The following DISC1 variants were observed in gnomAD, a reference collection of about 807,000 sequenced individuals.
DISC1 encodes the protein disrupted in schizophrenia 1 protein.
In DISC1, 57 loss-of-function variants were observed where a neutral mutation model predicts 84.5. The ratio of observed to expected loss-of-function variants is 0.67; its 90% CI spans 0.55 to 0.84. The LOEUF (loss-of-function observed/expected upper bound fraction) is 0.84, where lower values mean the gene tolerates loss of function less well. DISC1 is among the 40% of genes least tolerant of loss of function. The pLI is 0.00. For synonymous variants in DISC1, 411 were observed against 415.2 expected, an observed-to-expected ratio of 0.99 and a Z score of 0.12; for missense variants, 1,000 against 1,057.8, an observed-to-expected ratio of 0.95 and a Z score of 0.76.
chr1:231,832,186 G>A (rs1247645009), intron 9 of DISC1, among the ~76,000 whole-genome samples: 5 of 151,864 alleles, frequency 3.3e-5, no homozygotes, highest in Non-Finnish European at 5.9e-5. Flanking sequence ...TGCCTCAGGT[G>A]TGAGGAAGAA....
At chr1:231,626,973 G>A (rs1403031978) in intron 1 of DISC1, 39 bp downstream of exon 1, 4 of 1,417,922 alleles carry the variant, frequency 2.8e-6, no homozygotes, top group East Asian at 5.7e-5. Context: ...CGTCCTGGGG[G>A]GGTCCTGGCA....
chr1:231,913,195 G>T (rs1267887160), intron 9 of DISC1, among the ~76,000 whole-genome samples: 1 of 152,122 alleles, frequency 6.6e-6, no homozygotes, highest in African/African-American at 2.4e-5. Flanking sequence ...GTTTTTACTC[G>T]CATGCTTTGT....
At chr1:231,735,251 T>C (rs1294841339) in intron 3 of DISC1, among the ~76,000 whole-genome samples, 1 of 152,238 alleles carries the variant, frequency 6.6e-6, no homozygotes, top group African/African-American at 2.4e-5. Flanking sequence ...AATATTAAAA[T>C]ATTTCCTGTT....
At chr1:231,794,859 T>C (rs1278159363) in intron 6 of DISC1, among the ~76,000 whole-genome samples, 3 of 152,172 alleles carry the variant, frequency 2.0e-5, no homozygotes, top group African/African-American at 7.2e-5. Context: ...TCTACCCAAA[T>C]AGATACTATT....
At chr1:231,900,878 C>T (rs983445985) in intron 9 of DISC1, among the ~76,000 whole-genome samples, 3 of 152,102 alleles carry the variant, frequency 2.0e-5, no homozygotes, top group African/African-American at 7.2e-5. Context: ...GAAAAATAGG[C>T]GTATTTTCTT....
At position 232,009,438 on chromosome 1, in the gene DISC1, T is replaced by TAGTATATATGTTAAATATCA; in HGVS notation, c.2307+389_2307+390insAGTATATATGTTAAATATCA. On this transcript the variant is annotated intron_variant, in intron 11 of 12. Coordinates refer to ENST00000439617, the MANE Select transcript of DISC1 (RefSeq NM_018662.3). The surrounding 1 kb of genome is among the most constrained non-coding windows in gnomAD (Gnocchi z 4.6). Reference sequence around the variant, plus strand: ...TAACATATATACTATACATTATGTATTGTATGTCATATATGATGTTTATAT... The same window carrying TAGTATATATGTTAAATATCA: ...TAACATATATACTATACATTATGTATAGTATATATGTTAAATATCATGTATGTCATATATGATGTTTATAT... The TAGTATATATGTTAAATATCA allele has an allele frequency of 1.8e-6, 1 of 562,998 alleles. No individual in the cohort carries two copies. Among genetic ancestry groups the TAGTATATATGTTAAATATCA allele is most frequent in the Non-Finnish European group, 2.2e-6 (1 of 457,690 alleles). The allele number at this position is 562,998 out of a possible 1,614,324, so 34.9% of individuals were successfully genotyped here. A position where few individuals can be genotyped will look rare whatever the true frequency, so the allele number is the denominator to read the frequency against.
chr1:231,732,386 G>A (rs1279644002), intron 3 of DISC1, among the ~76,000 whole-genome samples: 1 of 152,128 alleles, frequency 6.6e-6, no homozygotes, highest in Non-Finnish European at 1.5e-5. Flanking sequence ...TATGCAAATC[G>A]ATCCCAGACA....
chr1:231,887,811 C>T (rs943880444), intron 9 of DISC1, among the ~76,000 whole-genome samples: 7 of 152,204 alleles, frequency 4.6e-5, no homozygotes, highest in African/African-American at 1.4e-4. Flanking sequence ...CTACTATTTG[C>T]TTCATTCTAA....
At chr1:232,025,693 T>C (rs1669394143) in intron 11 of DISC1, among the ~76,000 whole-genome samples, 1 of 151,274 alleles carries the variant, frequency 6.6e-6, no homozygotes, top group East Asian at 2.0e-4. Context: ...GCCTCCTGGG[T>C]TCACGCCATT....
chr1:231,886,817 T>TTC (rs2086783986), intron 9 of DISC1, among the ~76,000 whole-genome samples: 1 of 145,432 alleles, frequency 6.9e-6, no homozygotes, highest in Admixed American at 7.1e-5. Context: ...CTTTCTTTCT[T>TTC]TCTTTCTTTC....
intron 9 of DISC1, among the ~76,000 whole-genome samples, chr1:231,870,610 G>T (rs200329068): frequency 5.1e-4 from 78 of 152,324 alleles, no homozygotes; most frequent in Non-Finnish European, 1.0e-3. Context: ...AGCTTGATCA[G>T]TGCAGCACGA....
intron 9 of DISC1, among the ~76,000 whole-genome samples, chr1:231,937,835 G>A (rs201696881): frequency 1.3e-4 from 20 of 151,750 alleles, no homozygotes; most frequent in South Asian, 4.2e-4. Context: ...CATGAAAGCA[G>A]CTGTAGATCA....
chr1:231,694,678 C>T lies in DISC1; in HGVS notation c.920C>T (p.Pro307Leu), dbSNP rs1463414572. 54 of 1,614,118 alleles carry T rather than the reference C, an allele frequency of 3.3e-5. No individual in the cohort carries two copies. The highest frequency in any genetic ancestry group is 4.2e-5 in the Non-Finnish European group (49 of 1,180,056). ...CCTGGCTCCTCCAGTTCTCTGGATC[C>T]CTCACTGGCTGGCTGTGGTGGTGAT... ...MDPGSSSSLD[P>L]SLAGCGGDGS... The change falls in exon 2 of 13, where the codon CCC (proline) becomes CTC (leucine). Residue 307 changes from proline to leucine, a missense_variant. Pro to Leu is a moderately conservative substitution (Grantham distance 98). Transcript: ENST00000439617.
intron 9 of DISC1, among the ~76,000 whole-genome samples, chr1:231,887,140 G>A (rs60588012): frequency 0.098 from 14,890 of 151,988 alleles, 939 homozygotes; most frequent in East Asian, 0.28. Context: ...GATTACAGGC[G>A]TGAGCCACCG....
At chr1:231,713,749 GAT>G (rs1055850789) in intron 3 of DISC1, among the ~76,000 whole-genome samples, 2 of 71,292 alleles carry the variant, frequency 2.8e-5, no homozygotes, top group African/African-American at 8.1e-5. Flanking sequence ...ATATATAGGA[GAT>G]ATATATATAG....
intron 9 of DISC1, among the ~76,000 whole-genome samples, chr1:231,868,691 CTTATAT>C (rs1558670105): frequency 1.1e-5 from 1 of 90,200 alleles, no homozygotes; most frequent in African/African-American, 4.1e-5. Context: ...GACCCCATCT[CTTATAT>C]ATATATATAT....
At position 231,844,187 on chromosome 1, in the gene DISC1, C is replaced by T. The variant is rs868218843; in HGVS notation, c.1981+25670C>T. On this transcript the variant is annotated intron_variant, in intron 9 of 12. Transcript: ENST00000439617. ...CTCTTTGGATATCAACTGGTTGTCC[C>T]GGAATTCCATTTAGCTCTGTTTGAC... Among the ~76,000 whole-genome samples the T allele has an allele frequency of 9.2e-5, 14 of 152,270 alleles. No individual in the cohort carries two copies. The South Asian group carries it at 2.9e-3, about 32-fold the overall frequency.
chr1:232,008,929 T>G lies in DISC1; in HGVS notation c.2187T>G (p.Ala729=). Residue 729 remains alanine, a synonymous_variant, in exon 11 of 13, where the codon GCT becomes GCG. Transcript: ENST00000439617. ...AGATGGATGACTTAGAGGGAGCTGC[T>G]CCTCCTATTCCCCCCAGGCTCCACT... is the stretch of plus-strand genomic sequence containing the variant. ...ERQMDDLEGA[A]PPIPPRLHSE... is the part of the protein sequence containing the mutation. 6.2e-7 allele frequency: 1 copy of G among 1,613,578 alleles called. No individual in the cohort carries two copies. The highest frequency in any genetic ancestry group is 8.5e-7 in the Non-Finnish European group (1 of 1,179,664).
intron 9 of DISC1, among the ~76,000 whole-genome samples, chr1:231,829,160 C>A (rs1434716110): frequency 6.6e-6 from 1 of 151,886 alleles, no homozygotes; most frequent in African/African-American, 2.4e-5. Context: ...GATTAATGAC[C>A]CAAAGAATGC....
Sources: allele counts gnomAD v4.1 joint callset (sites outside exome capture counted in the v4.1 genomes callset), GRCh38; gene constraint gnomAD v4.1.1; non-coding constraint Gnocchi (gnomAD v3.1); transcripts MANE v1.5; gene names NCBI Gene and HGNC (gene_info 2026-07-23, HGNC 2026-07-21).